PCDHGB5: variants seen among roughly 807,000 people sequenced by gnomAD.
PCDHGB5 encodes the protein protocadherin gamma-B5.
In PCDHGB5, 48 loss-of-function variants were observed where a neutral mutation model predicts 62.9. That is an observed-to-expected ratio of 0.76 (90% CI 0.61 to 0.97). The LOEUF (loss-of-function observed/expected upper bound fraction) is 0.97, where lower values mean the gene tolerates loss of function less well. Ranked by LOEUF, PCDHGB5 falls within the 50% of genes least tolerant of loss-of-function variation. PCDHGB5 has a pLI of 0.00. For synonymous variants in PCDHGB5, 474 were observed against 511.2 expected (o/e 0.93, Z 0.98); for missense variants, 1,118 against 1,198.6 (o/e 0.93, Z 0.99).
At position 141,398,210 on chromosome 5, in the gene PCDHGB5, C is replaced by T. The variant is rs755562930; in HGVS notation, c.83C>T (p.Ala28Val). ...FLFLLSLFCP[A>V]LCEQIRYRIP... ...TTCCTGCTGTCTTTGTTCTGCCCGG[C>T]GCTCTGTGAGCAGATCCGCTACAGG... The change falls in exon 1 of 4, where the codon GCG (alanine) becomes GTG (valine). Residue 28 changes from alanine (A) to valine (V), a missense_variant. Ala to Val is a moderately conservative substitution (Grantham distance 64, BLOSUM62 0). This residue lies in a region of PCDHGB5 where 84 missense variants were observed against 169.5 expected (regional missense o/e 0.50). Coordinates refer to ENST00000617380, the MANE Select transcript of PCDHGB5 (RefSeq NM_018925.3). 1.3e-6 allele frequency: 2 copies of T among 1,483,862 alleles called. No homozygotes were observed. Among genetic ancestry groups the T allele is most frequent in the South Asian group, 1.3e-5 (1 of 77,312 alleles). The allele number at this position is 1,483,862 out of a possible 1,614,324, so 91.9% of individuals were successfully genotyped here. A position where few individuals can be genotyped will look rare whatever the true frequency, so the allele number is the denominator to read the frequency against.
At chr5:141,441,746 C>CGTCAA in intron 1 of PCDHGB5, 1 of 371,314 alleles carries the variant, frequency 2.7e-6, no homozygotes, top group Non-Finnish European at 5.4e-6. Context: ...TCGCGCTCGG[C>CGTCAA]GTCAACGTGA....
chr5:141,441,162 G>A (rs1009205566), intron 1 of PCDHGB5: 48 of 152,166 alleles, frequency 3.2e-4, no homozygotes, highest in Admixed American at 1.5e-3. Flanking sequence ...TCCTAGAGGC[G>A]ATTTTTACTT....
intron 1 of PCDHGB5, among the ~76,000 whole-genome samples, chr5:141,450,696 A>G (rs943551061): frequency 1.3e-5 from 2 of 152,164 alleles, no homozygotes; most frequent in East Asian, 3.9e-4. Flanking sequence ...CATGTTGCCC[A>G]GGATGGTCTC....
At chr5:141,423,533 T>C (rs2096751691) in intron 1 of PCDHGB5, 1 of 1,613,650 alleles carries the variant, frequency 6.2e-7, no homozygotes, top group Non-Finnish European at 8.5e-7. Flanking sequence ...AAGAGTCACC[T>C]GATTTTCCCC....
intron 1 of PCDHGB5, among the ~76,000 whole-genome samples, chr5:141,467,288 A>G (rs1322298174): frequency 6.6e-6 from 1 of 152,084 alleles, no homozygotes; most frequent in Non-Finnish European, 1.5e-5. Context: ...CTTGACCTCA[A>G]GTGATCCACT....
rs1284989963 is a variant in PCDHGB5 at position 141,419,134 on chromosome 5, A to T, written c.2397+18610A>T. On this transcript the variant is annotated intron_variant, in intron 1 of 3. Transcript: ENST00000617380. ...AGTACAACGTCACCATCGCAGCCAC[A>T]GACAGGGGCAAGCCTCCGTTATCCT... is the stretch of plus-strand genomic sequence containing the variant. 2.5e-6 allele frequency: 4 copies of T among 1,613,826 alleles called. No individual in the cohort carries two copies. In the African/African-American group the frequency reaches 5.3e-5, roughly 22 times the overall value.
intron 1 of PCDHGB5, chr5:141,420,546 G>T: frequency 3.5e-6 from 1 of 284,254 alleles, no homozygotes; most frequent in Admixed American, 5.0e-5. Flanking sequence ...ATAAAATACA[G>T]GTATATTTTT....
At chr5:141,429,105 C>G (rs936114624) in intron 1 of PCDHGB5, 1 of 152,318 alleles carries the variant, frequency 6.6e-6, no homozygotes, top group Non-Finnish European at 1.5e-5. Flanking sequence ...CTGCCCGCCT[C>G]GGCCTCCCAA....
intron 1 of PCDHGB5, among the ~76,000 whole-genome samples, chr5:141,456,166 G>A (rs531975607): frequency 6.6e-6 from 1 of 152,148 alleles, no homozygotes; most frequent in African/African-American, 2.4e-5. Flanking sequence ...TAAAGTGCTG[G>A]GATTACAGAA....
Position 141,486,445 on chromosome 5 carries a change from G to A in PCDHGB5, c.2398-8362G>A. On this transcript the variant is annotated intron_variant, in intron 1 of 3. Coordinates refer to ENST00000617380, the MANE Select transcript of PCDHGB5 (RefSeq NM_018925.3). The surrounding 1 kb of genome is among the most constrained non-coding windows in gnomAD (Gnocchi z 5.0). ...AGGCCAAATCTAGCTATGACATCAT[G>A]GTCACTGCTTCTGATGCTGGGAACC... 6.2e-7 allele frequency: 1 copy of A among 1,613,948 alleles called. No homozygotes were observed. The highest frequency in any genetic ancestry group is 8.5e-7 in the Non-Finnish European group (1 of 1,179,862).
At chr5:141,404,211 T>G in intron 1 of PCDHGB5, 1 of 1,613,724 alleles carries the variant, frequency 6.2e-7, no homozygotes, top group East Asian at 2.2e-5. Context: ...GAATATAATA[T>G]CACGGTGACT....
In PCDHGB5 at chr5:141,487,268, G is replaced by A; in HGVS notation, c.2398-7539G>A. ...CCTCTACTTGGCTGTGTCCCTAGTG[G>A]CAATTTGCTTTGTCTCCTTTGGCTC... On this transcript the variant is annotated intron_variant, in intron 1 of 3. Transcript: ENST00000617380. This position sits in a 1 kb window ranked among gnomAD's most constrained non-coding sequence, Gnocchi z 5.0. 4 of 1,614,100 alleles carry A rather than the reference G, an allele frequency of 2.5e-6. No homozygotes were observed. The South Asian group carries it at 4.4e-5, about 18-fold the overall frequency.
rs1303066281 is a variant in PCDHGB5, at chr5:141,511,199, G to A, written c.*26G>A. The A allele has an allele frequency of 1.2e-6, 2 of 1,612,750 alleles. No homozygotes were observed. The highest frequency in any genetic ancestry group is 1.3e-5 in the African/African-American group (1 of 74,896). On this transcript the variant is annotated 3_prime_UTR_variant, in exon 4 of 4. Transcript: ENST00000617380. The stretch of plus-strand genomic sequence containing the variant: ...CATGGAGGCCAGGCCAAGAGCCACA[G>A]GGCGGCCTCTCCCCAACCAGCCCAG...
chr5:141,414,620 A>G, intron 1 of PCDHGB5: 4 of 1,613,938 alleles, frequency 2.5e-6, no homozygotes, highest in Non-Finnish European at 3.4e-6. Flanking sequence ...ACAGCGCTGG[A>G]CCCGGACAGC....
At chr5:141,436,208 A>G (rs1287696925) in intron 1 of PCDHGB5, among the ~76,000 whole-genome samples, 1 of 152,152 alleles carries the variant, frequency 6.6e-6, no homozygotes, top group Non-Finnish European at 1.5e-5. Context: ...CATAATAGGA[A>G]AACAAATGAC....
chr5:141,418,914 T>C (rs1200050684), intron 1 of PCDHGB5: 4 of 1,613,964 alleles, frequency 2.5e-6, no homozygotes, highest in East Asian at 2.2e-5. Context: ...ATCACGTCAC[T>C]CTCTGATCAG....
rs746989617 is a variant in PCDHGB5 at position 141,422,853 on chromosome 5, C to G, written c.2397+22329C>G. On this transcript the variant is annotated intron_variant, in intron 1 of 3. Transcript: ENST00000617380. ...TAGCACGTGACAGCGGGGACCCGCC[C>G]CTCAGCAGCAACGTGTCGCTGAGCC... 16 of 1,614,146 alleles carry G rather than the reference C, an allele frequency of 9.9e-6. 1 individual carries two copies. In the South Asian group the frequency reaches 1.6e-4, roughly 17 times the overall value.
At chr5:141,407,976 G>T (rs1392473551) in intron 1 of PCDHGB5, 2 of 742,146 alleles carry the variant, frequency 2.7e-6, no homozygotes, top group South Asian at 2.3e-5. Flanking sequence ...CTGACGCCGG[G>T]GATCCGTCAG....
intron 1 of PCDHGB5, chr5:141,423,721 T>C (rs2096769391): frequency 8.3e-7 from 1 of 1,208,140 alleles, no homozygotes; most frequent in East Asian, 3.8e-5. Flanking sequence ...TTTAAGGAGA[T>C]GTTTTTTGAG....
Sources: gnomAD v4.1 joint callset for allele counts (sites outside exome capture counted in the v4.1 genomes callset) on GRCh38, gnomAD v4.1.1 for gene constraint, gnomAD v4.1.1 regional missense constraint, Gnocchi (gnomAD v3.1) non-coding constraint, MANE v1.5 for transcripts, NCBI Gene and HGNC (gene_info 2026-07-23, HGNC 2026-07-21) for gene names.